TCF7L1: variants seen among roughly 807,000 people sequenced by gnomAD.
The protein encoded by TCF7L1 is transcription factor 7-like 1.
Under a neutral mutation model 63.7 loss-of-function variants are expected in TCF7L1, and 18 were observed. The observed-to-expected ratio is 0.28, with a 90% CI of 0.20 to 0.42. The LOEUF is 0.42. TCF7L1 is among the 10% of genes least tolerant of loss of function. TCF7L1 has a pLI of 1.00. For missense variants in TCF7L1, 654 were observed against 779.3 expected, an observed-to-expected ratio of 0.84 and a Z score of 1.91; for synonymous variants, 355 against 340.9, an observed-to-expected ratio of 1.04 and a Z score of -0.46.
chr2:85,163,659 G>A (rs72840115), intron 3 of TCF7L1, among the ~76,000 whole-genome samples: 3,929 of 152,296 alleles, frequency 0.026, 73 homozygotes, highest in Non-Finnish European at 0.038. Flanking sequence ...ACAACAGAAA[G>A]AGTCATTGTC....
At chr2:85,232,856 C>T (rs1331512357) in intron 3 of TCF7L1, 1 of 152,176 alleles carries the variant, frequency 6.6e-6, no homozygotes, top group Non-Finnish European at 1.5e-5. Flanking sequence ...AACCAGTGGG[C>T]TACTGTTACA....
intron 3 of TCF7L1, among the ~76,000 whole-genome samples, chr2:85,221,232 T>C (rs112544409): frequency 5.3e-5 from 8 of 152,196 alleles, no homozygotes; most frequent in African/African-American, 1.9e-4. Context: ...AACAGGGAGC[T>C]GAGTCATTAT....
At chr2:85,145,850 T>G (rs1202602296) in intron 3 of TCF7L1, among the ~76,000 whole-genome samples, 1 of 152,034 alleles carries the variant, frequency 6.6e-6, no homozygotes, top group African/African-American at 2.4e-5. Flanking sequence ...TATGTTTTTA[T>G]TTTATTTTAT....
At chr2:85,237,019 G>A (rs1177523667) in intron 3 of TCF7L1, among the ~76,000 whole-genome samples, 1 of 152,120 alleles carries the variant, frequency 6.6e-6, no homozygotes, top group Non-Finnish European at 1.5e-5. Flanking sequence ...GTCTGAAATA[G>A]GATGCTGAGA....
At chr2:85,230,965 A>T (rs1680062902) in intron 3 of TCF7L1, among the ~76,000 whole-genome samples, 1 of 152,194 alleles carries the variant, frequency 6.6e-6, no homozygotes, top group African/African-American at 2.4e-5. Context: ...GTTTGGACAG[A>T]TCCCTGTGTC....
At chr2:85,180,284 G>A (rs1678776297) in intron 3 of TCF7L1, among the ~76,000 whole-genome samples, 1 of 151,260 alleles carries the variant, frequency 6.6e-6, no homozygotes, top group Admixed American at 6.6e-5. Context: ...TGTTACCCAG[G>A]CTGGTCTTGA....
Position 85,306,979 on chromosome 2 carries a change from A to G in TCF7L1, c.1257+420A>G, listed in dbSNP as rs1296728201. ...GCGCCCGGCCAGCGACTGCATTTAT[A>G]GAGGACTCTTAAGATCAGGGAGAAG... On this transcript the variant is annotated intron_variant, in intron 10 of 11. Coordinates refer to ENST00000282111, the MANE Select transcript of TCF7L1 (RefSeq NM_031283.3). This position sits in a 1 kb window ranked among gnomAD's most constrained non-coding sequence, Gnocchi z 4.3. Among the ~76,000 whole-genome samples, 2 of 152,230 alleles carry G rather than the reference A, an allele frequency of 1.3e-5. No homozygotes were observed. Among genetic ancestry groups the G allele is most frequent in the Non-Finnish European group, 2.9e-5 (2 of 68,042 alleles).
At chr2:85,307,971 T>C (rs1682156843) in intron 11 of TCF7L1, among the ~76,000 whole-genome samples, 1 of 152,172 alleles carries the variant, frequency 6.6e-6, no homozygotes, top group African/African-American at 2.4e-5. Flanking sequence ...GACAATCTAA[T>C]TCCATTGAAA....
At chr2:85,239,063 C>A (rs1573004851) in intron 3 of TCF7L1, among the ~76,000 whole-genome samples, 1 of 152,074 alleles carries the variant, frequency 6.6e-6, no homozygotes, top group East Asian at 1.9e-4. Context: ...AACAGGGGTC[C>A]AGGGGTATGA....
chr2:85,291,455 T>C (rs535754656), intron 4 of TCF7L1, among the ~76,000 whole-genome samples: 7 of 152,358 alleles, frequency 4.6e-5, no homozygotes, highest in Admixed American at 4.6e-4. Flanking sequence ...TTCCACTAGT[T>C]CCAATAACAT....
At position 85,171,229 on chromosome 2, in the gene TCF7L1, C is replaced by T. The variant is rs138692831; in HGVS notation, c.441+36779C>T. Among the ~76,000 whole-genome samples, 272 of 152,300 alleles carry T rather than the reference C, an allele frequency of 1.8e-3. 1 individual carries two copies. Among genetic ancestry groups the T allele is most frequent in the African/African-American group, 6.2e-3 (259 of 41,570 alleles). On this transcript the variant is annotated intron_variant, in intron 3 of 11. Coordinates refer to ENST00000282111, the MANE Select transcript of TCF7L1 (RefSeq NM_031283.3). ...CGTGAACAGCATGGGAAAGACCTGCCATCATGATTCAGTTACCTCCCACCG... is the reference window on the plus strand; with the variant it reads ...CGTGAACAGCATGGGAAAGACCTGCTATCATGATTCAGTTACCTCCCACCG...
At chr2:85,248,914 C>T (rs1306510133) in intron 3 of TCF7L1, among the ~76,000 whole-genome samples, 1 of 152,062 alleles carries the variant, frequency 6.6e-6, no homozygotes, top group African/African-American at 2.4e-5. Context: ...CTTCTTCCAG[C>T]AACCCGTGCC....
chr2:85,164,259 G>A (rs184842641), intron 3 of TCF7L1, among the ~76,000 whole-genome samples: 3 of 152,282 alleles, frequency 2.0e-5, no homozygotes, highest in Admixed American at 2.0e-4. Context: ...GAGGATGATT[G>A]TTTGCATTCA....
rs561443883 is a variant in TCF7L1 at position 85,174,542 on chromosome 2, C to T, written c.441+40092C>T. ...GCAATGGTACATGCATCTCATTTAA[C>T]TGGTCACTGTCAACTCCAAAAATGG... On this transcript the variant is annotated intron_variant, in intron 3 of 11. Transcript: ENST00000282111. Among the ~76,000 whole-genome samples, 4 of 152,248 alleles carry T rather than the reference C, an allele frequency of 2.6e-5. No individual in the cohort carries two copies. The South Asian group carries it at 8.3e-4, about 32-fold the overall frequency.
At chr2:85,303,714 A>C (rs1682038039) in intron 5 of TCF7L1, 181 bp from the exon 6 acceptor site, 1 of 496,194 alleles carries the variant, frequency 2.0e-6, no homozygotes. Context: ...CCTCCCCTGA[A>C]TATGTCCTTG....
intron 3 of TCF7L1, chr2:85,217,262 G>A (rs990546447): frequency 6.6e-6 from 1 of 152,210 alleles, no homozygotes; most frequent in African/African-American, 2.4e-5. Flanking sequence ...CAAACACGAG[G>A]TAGATAAGAT....
At chr2:85,252,362 C>T (rs945000547) in intron 3 of TCF7L1, among the ~76,000 whole-genome samples, 8 of 152,230 alleles carry the variant, frequency 5.3e-5, no homozygotes, top group East Asian at 3.8e-4. Flanking sequence ...AATTCACCTA[C>T]GTGGTCTCGG....
intron 3 of TCF7L1, among the ~76,000 whole-genome samples, chr2:85,148,866 C>G (rs1027154235): frequency 4.6e-5 from 7 of 151,490 alleles, no homozygotes; most frequent in African/African-American, 1.7e-4. Context: ...CTCTGCCCCC[C>G]CAGGTTCAAG....
At chr2:85,210,627 G>C (rs1234592587) in intron 3 of TCF7L1, among the ~76,000 whole-genome samples, 1 of 152,196 alleles carries the variant, frequency 6.6e-6, no homozygotes, top group Non-Finnish European at 1.5e-5. Context: ...GGGAGGGCTG[G>C]GTTCATCCAG....
Sources: allele counts gnomAD v4.1 joint callset (sites outside exome capture counted in the v4.1 genomes callset), GRCh38; gene constraint gnomAD v4.1.1; non-coding constraint Gnocchi (gnomAD v3.1); transcripts MANE v1.5; gene names NCBI Gene and HGNC (gene_info 2026-07-23, HGNC 2026-07-21).